The following SLC49A4 variants were observed in gnomAD, a reference collection of about 807,000 sequenced individuals.
SLC49A4 encodes disrupted in renal cancer protein 2.
SLC49A4 carries 36 observed loss-of-function variants against 50.6 expected under a neutral mutation model. That is an observed-to-expected ratio of 0.71 (90% CI 0.55 to 0.94). The LOEUF (loss-of-function observed/expected upper bound fraction) is 0.94, where lower values mean the gene tolerates loss of function less well. SLC49A4 is among the 40% of genes least tolerant of loss of function. The pLI is 0.00. For missense variants in SLC49A4, 503 were observed against 605.7 expected (o/e 0.83, Z 1.78); for synonymous variants, 248 against 241.2 (o/e 1.03, Z -0.26).
At chr3:122,810,649 T>A (rs1042630339) in intron 2 of SLC49A4, among the ~76,000 whole-genome samples, 1 of 152,256 alleles carries the variant, frequency 6.6e-6, no homozygotes, top group African/African-American at 2.4e-5. Context: ...TAGGTAAACA[T>A]GTGCAACACA....
Position 122,826,824 on chromosome 3 carries a change from AAATGG to A in SLC49A4, c.464_468del (p.Asn155IlefsTer22). ...GATTAATTCATGGAGGACAGATGTT[AAATGG>A]ATTGGCAGGTCCAACTGTAATGAAT... is the stretch of plus-strand genomic sequence containing the variant. On this transcript the variant is annotated frameshift_variant, in exon 3 of 9. Transcript: ENST00000261038. LOFTEE classifies it high-confidence loss of function. The A allele has an allele frequency of 6.2e-7, 1 of 1,614,194 alleles. No homozygotes were observed.
intron 6 of SLC49A4, 46 bp downstream of exon 6, chr3:122,856,420 A>G (rs1423687907): frequency 1.9e-6 from 3 of 1,541,928 alleles, no homozygotes; most frequent in South Asian, 1.1e-5. Context: ...GCAGGGGGAA[A>G]AAGCCTAAAG....
intron 4 of SLC49A4, among the ~76,000 whole-genome samples, chr3:122,844,650 C>T (rs1421591943): frequency 6.6e-6 from 1 of 151,990 alleles, no homozygotes; most frequent in Non-Finnish European, 1.5e-5. Flanking sequence ...GGTGTGCTGG[C>T]AGGTGCCTGT....
At chr3:122,816,517 C>T (rs1039380585) in intron 2 of SLC49A4, among the ~76,000 whole-genome samples, 10 of 152,118 alleles carry the variant, frequency 6.6e-5, no homozygotes, top group African/African-American at 2.4e-4. Context: ...TATGTTGTGC[C>T]TTTGTGAATG....
intron 3 of SLC49A4, 94 bp from the exon 4 acceptor site, chr3:122,833,223 G>GGAGT: frequency 8.0e-7 from 1 of 1,251,530 alleles, no homozygotes; most frequent in South Asian, 1.3e-5. Flanking sequence ...CCTGGGTGAC[G>GGAGT]GAGTGAGACC....
intron 1 of SLC49A4, among the ~76,000 whole-genome samples, chr3:122,801,697 C>T (rs748154172): frequency 2.0e-5 from 3 of 152,136 alleles, no homozygotes; most frequent in Non-Finnish European, 4.4e-5. Context: ...AAAGAGCGTA[C>T]CTCAGACCAT....
intron 7 of SLC49A4, among the ~76,000 whole-genome samples, chr3:122,871,624 G>T (rs954842097): frequency 6.6e-6 from 1 of 152,164 alleles, no homozygotes; most frequent in Admixed American, 6.5e-5. Context: ...TCTAAATAGG[G>T]TATCATTCTT....
At chr3:122,842,672 A>G (rs1157143545) in intron 4 of SLC49A4, among the ~76,000 whole-genome samples, 5 of 152,166 alleles carry the variant, frequency 3.3e-5, no homozygotes, top group African/African-American at 1.2e-4. Flanking sequence ...AAGGAAAAAC[A>G]GTTAACTTAA....
At chr3:122,804,373 A>G (rs1400544293) in intron 1 of SLC49A4, among the ~76,000 whole-genome samples, 1 of 152,236 alleles carries the variant, frequency 6.6e-6, no homozygotes, top group Non-Finnish European at 1.5e-5. Flanking sequence ...CCCACCTCCA[A>G]CATTGAGGAT....
chr3:122,814,117 G>A (rs1269961140), intron 2 of SLC49A4, among the ~76,000 whole-genome samples: 1 of 152,082 alleles, frequency 6.6e-6, no homozygotes, highest in Non-Finnish European at 1.5e-5. Flanking sequence ...CTAAAAATAC[G>A]AAAATTATCC....
chr3:122,854,486 G>A (rs926191498), intron 5 of SLC49A4, among the ~76,000 whole-genome samples: 2 of 152,192 alleles, frequency 1.3e-5, no homozygotes, highest in African/African-American at 2.4e-5. Context: ...TTAAGAGACC[G>A]AGGCTGCTTC....
At chr3:122,839,068 G>C (rs191794774) in intron 4 of SLC49A4, among the ~76,000 whole-genome samples, 1 of 152,112 alleles carries the variant, frequency 6.6e-6, no homozygotes, top group African/African-American at 2.4e-5. Flanking sequence ...GAACAGAATA[G>C]AGAAATCAGA....
At position 122,865,411 on chromosome 3, in the gene SLC49A4, T is replaced by TG. The variant is rs1469053892; in HGVS notation, c.1138+5210dup. Among the ~76,000 whole-genome samples the TG allele has an allele frequency of 1.3e-5, 2 of 152,370 alleles. 1 individual carries two copies. The highest frequency in any genetic ancestry group is 3.9e-4 in the East Asian group (2 of 5,192). On this transcript the variant is annotated intron_variant, in intron 7 of 8. Transcript: ENST00000261038. ...CCTCATCCTCTTTTGGAACCACAGT[T>TG]GCATATACTGCGTATTTTAATCAGA...
At chr3:122,804,495 A>G (rs983106619) in intron 1 of SLC49A4, among the ~76,000 whole-genome samples, 6 of 152,216 alleles carry the variant, frequency 3.9e-5, no homozygotes, top group South Asian at 4.1e-4. Context: ...TTTTGATTAC[A>G]TGGAATTATA....
intron 8 of SLC49A4, among the ~76,000 whole-genome samples, chr3:122,877,312 G>A (rs1937278390): frequency 6.6e-6 from 1 of 152,180 alleles, no homozygotes; most frequent in South Asian, 2.1e-4. Context: ...AGTTGATTGA[G>A]ACAAGTGAAT....
At chr3:122,862,070 A>G (rs557610455) in intron 7 of SLC49A4, among the ~76,000 whole-genome samples, 2 of 152,204 alleles carry the variant, frequency 1.3e-5, no homozygotes, top group South Asian at 4.1e-4. Context: ...TGATTCCAAA[A>G]CTTTTAAAAG....
In SLC49A4 at chr3:122,826,909, A is replaced by G. The variant is rs1452970796; in HGVS notation, c.547A>G (p.Thr183Ala). The G allele has an allele frequency of 1.2e-6, 2 of 1,614,118 alleles. No homozygotes were observed. Among genetic ancestry groups the G allele is most frequent in the Admixed American group, 1.7e-5 (1 of 60,008 alleles). ...TTCTGCAGATGAAAGGGCCACAGCC[A>G]CAGCTATTGCATCAATGCTCAGTTA... ...WFSADERATATAIASMLSYLG... is the reference protein window; with the variant it reads ...WFSADERATAAAIASMLSYLG... The change falls in exon 3 of 9, where the codon ACA becomes GCA. Residue 183 changes from threonine (T) to alanine (A), a missense_variant. Transcript: ENST00000261038.
At chr3:122,872,188 A>G (rs1937204238) in intron 7 of SLC49A4, among the ~76,000 whole-genome samples, 1 of 152,204 alleles carries the variant, frequency 6.6e-6, no homozygotes, top group Non-Finnish European at 1.5e-5. Flanking sequence ...CAGAAAGGTA[A>G]AGGAGATAAA....
rs114902251 is a variant in SLC49A4 at position 122,815,000 on chromosome 3, C to G, written c.437+8050C>G. On this transcript the variant is annotated intron_variant, in intron 2 of 8. Coordinates refer to ENST00000261038, the MANE Select transcript of SLC49A4 (RefSeq NM_032839.3). ...CCTAGGCCCCTTCTCTGTTGTTGCT[C>G]CAGCATCTCCTAGGGTGATATTATT... 8.1e-3 allele frequency among the ~76,000 whole-genome samples: 1,229 copies of G among 152,238 alleles called. 9 individuals are homozygous for G. Among genetic ancestry groups the G allele is most frequent in the African/African-American group, 0.026 (1,078 of 41,520 alleles).
Sources: gnomAD v4.1 joint callset for allele counts (sites outside exome capture counted in the v4.1 genomes callset) on GRCh38, gnomAD v4.1.1 for gene constraint, MANE v1.5 for transcripts, NCBI Gene and HGNC (gene_info 2026-07-23, HGNC 2026-07-21) for gene names.